Variants in LUZP1 observed in about 807,000 individuals in gnomAD.
LUZP1 encodes leucine zipper protein 1, also known as filamin mechanobinding actin cross-linking protein.
A neutral mutation model predicts 71.3 loss-of-function variants in LUZP1; 25 were observed. The observed-to-expected ratio is 0.35, with a 90% CI of 0.26 to 0.49. The LOEUF (loss-of-function observed/expected upper bound fraction) is 0.49. Ranked by LOEUF, LUZP1 falls within the 20% of genes least tolerant of loss-of-function variation. LUZP1 has a pLI of 0.99. For missense variants in LUZP1, 1,142 were observed against 1,300.8 expected (o/e 0.88, Z 1.88); for synonymous variants, 481 against 506.4 (o/e 0.95, Z 0.67).
At chr1:23,118,503 A>G (rs374740613) in intron 2 of LUZP1, among the ~76,000 whole-genome samples, 12 of 152,234 alleles carry the variant, frequency 7.9e-5, no homozygotes, top group Non-Finnish European at 1.8e-4. Flanking sequence ...AACTTACTAG[A>G]ATAGTTTCCT....
At position 23,155,360 on chromosome 1, in the gene LUZP1, C is replaced by G. The variant is rs901555157; in HGVS notation, c.-226+13406G>C. Among the ~76,000 whole-genome samples, 16 of 152,282 alleles carry G rather than the reference C, an allele frequency of 1.1e-4. No individual in the cohort carries two copies. The South Asian group carries it at 2.3e-3, about 22-fold the overall frequency. On this transcript the variant is annotated intron_variant, in intron 2 of 4. Coordinates refer to ENST00000302291, the Ensembl canonical transcript of LUZP1. ...TTTACTTACAGGGCAGTACACAGTT[C>G]ATAAAATCATTATGTGTTAAAACAA...
chr1:23,155,511 A>T (rs1372597499), intron 2 of LUZP1, among the ~76,000 whole-genome samples: 2 of 152,250 alleles, frequency 1.3e-5, no homozygotes, highest in African/African-American at 4.8e-5. Context: ...AGTTATCCTC[A>T]TTAATATCTA....
chr1:23,149,830 C>T (rs1483142049), intron 2 of LUZP1, among the ~76,000 whole-genome samples: 1 of 151,732 alleles, frequency 6.6e-6, no homozygotes, highest in Non-Finnish European at 1.5e-5. Flanking sequence ...GGTGTGGTGG[C>T]ACGCGCCTGT....
chr1:23,142,064 T>C (rs568074142), intron 2 of LUZP1, among the ~76,000 whole-genome samples: 2 of 152,230 alleles, frequency 1.3e-5, no homozygotes, highest in East Asian at 3.9e-4. Flanking sequence ...CAGAGTGGTC[T>C]TGAACTCCCA....
intron 3 of LUZP1, among the ~76,000 whole-genome samples, chr1:23,099,035 G>A (rs553041252): frequency 9.2e-5 from 14 of 152,248 alleles, no homozygotes; most frequent in African/African-American, 2.4e-4. Flanking sequence ...GCTTCTCTGG[G>A]TACATCTTTC....
intron 2 of LUZP1, among the ~76,000 whole-genome samples, chr1:23,110,927 C>T (rs961693650): frequency 6.6e-5 from 10 of 152,120 alleles, no homozygotes; most frequent in African/African-American, 2.4e-4. Context: ...CGGCCAGGCA[C>T]GGTGACTCAC....
rs1424273518 is a variant in LUZP1, at chr1:23,094,034, T to A, written c.228A>T (p.Glu76Asp). 18 of 1,614,068 alleles carry A rather than the reference T, an allele frequency of 1.1e-5. No homozygotes were observed. The highest frequency in any genetic ancestry group is 1.6e-4 in the Middle Eastern group (1 of 6,084). Residue 76 changes from glutamate to aspartate, a missense_variant, in exon 4 of 5, where the codon GAA becomes GAT. Physicochemically the swap from Glu to Asp is conservative, Grantham distance 45. Transcript: ENST00000302291. The surrounding 1 kb of genome is among the most constrained non-coding windows in gnomAD (Gnocchi z 4.7). ...CTCTCTTAATTTCCTCGTCTTTGCC[T>A]TCAATTCTCAGCACCCGCTGGCGCA...
At chr1:23,105,634 G>A (rs988176624) in intron 3 of LUZP1, among the ~76,000 whole-genome samples, 3 of 152,046 alleles carry the variant, frequency 2.0e-5, no homozygotes, top group African/African-American at 7.2e-5. Context: ...ATTATTTTTG[G>A]ATTTCAACTT....
intron 2 of LUZP1, among the ~76,000 whole-genome samples, chr1:23,117,993 G>A (rs1471373736): frequency 6.6e-6 from 1 of 152,182 alleles, no homozygotes; most frequent in East Asian, 1.9e-4. Context: ...AGGAGGCTGA[G>A]GCAGGAGACT....
chr1:23,117,454 C>CCTCTCTCTCTCTCTCTCTCT (rs1185318512), intron 2 of LUZP1, among the ~76,000 whole-genome samples: 6 of 13,364 alleles, frequency 4.5e-4, no homozygotes, highest in African/African-American at 2.7e-3. Context: ...TTTTTTTTTT[C>CCTCTCTCTCTCTCTCTCTCT]CTCTCTCTCT....
At chr1:23,148,862 A>T (rs1644361947) in intron 2 of LUZP1, among the ~76,000 whole-genome samples, 1 of 150,266 alleles carries the variant, frequency 6.7e-6, no homozygotes, top group Non-Finnish European at 1.5e-5. Context: ...CGGTGAGAAG[A>T]CCACTTGATC....
At chr1:23,100,690 CA>C (rs771104194) in intron 3 of LUZP1, among the ~76,000 whole-genome samples, 2 of 152,166 alleles carry the variant, frequency 1.3e-5, no homozygotes, top group African/African-American at 2.4e-5. Flanking sequence ...CCCTTGGGGT[CA>C]TTTAGGGGAA....
chr1:23,152,790 C>A (rs9426806), intron 2 of LUZP1, among the ~76,000 whole-genome samples: 4 of 151,996 alleles, frequency 2.6e-5, no homozygotes, highest in African/African-American at 7.2e-5. Context: ...CTCGACCTCC[C>A]AAAGTGCTAG....
At chr1:23,160,701 A>C (rs1055114226) in intron 2 of LUZP1, among the ~76,000 whole-genome samples, 1 of 152,220 alleles carries the variant, frequency 6.6e-6, no homozygotes, top group African/African-American at 2.4e-5. Context: ...ACTATGTGCC[A>C]GTGAAAATAA....
intron 3 of LUZP1, among the ~76,000 whole-genome samples, chr1:23,095,672 T>C (rs1334054260): frequency 6.6e-6 from 1 of 152,080 alleles, no homozygotes. Context: ...CCAGGATAAC[T>C]AGTGAAAAAA....
intron 2 of LUZP1, among the ~76,000 whole-genome samples, chr1:23,152,052 G>T (rs2124732515): frequency 6.6e-6 from 1 of 150,662 alleles, no homozygotes; most frequent in East Asian, 1.9e-4. Flanking sequence ...TCCACATGTT[G>T]CAATGAAAAG....
chr1:23,113,222 A>G (rs1234553007), intron 2 of LUZP1, among the ~76,000 whole-genome samples: 1 of 151,980 alleles, frequency 6.6e-6, no homozygotes, highest in Non-Finnish European at 1.5e-5. Flanking sequence ...ACAGTGAGAC[A>G]CTGTCTCTAC....
intron 4 of LUZP1, among the ~76,000 whole-genome samples, chr1:23,089,368 G>A (rs148586606): frequency 1.6e-4 from 24 of 152,264 alleles, no homozygotes; most frequent in Non-Finnish European, 2.9e-4. Flanking sequence ...CCCTGAGGAG[G>A]GGCCAGCAGT....
At chr1:23,133,013 C>A (rs1187474566) in intron 2 of LUZP1, among the ~76,000 whole-genome samples, 3 of 152,128 alleles carry the variant, frequency 2.0e-5, no homozygotes, top group Non-Finnish European at 4.4e-5. Flanking sequence ...AAGTAAGGAA[C>A]CCAAGGCAAA....
Sources: gnomAD v4.1 joint callset for allele counts (sites outside exome capture counted in the v4.1 genomes callset) on GRCh38, gnomAD v4.1.1 for gene constraint, Gnocchi (gnomAD v3.1) non-coding constraint, MANE v1.5 for transcripts, NCBI Gene and HGNC (gene_info 2026-07-23, HGNC 2026-07-21) for gene names.